ZKSCAN3: variants seen among roughly 807,000 people sequenced by gnomAD.
ZKSCAN3 encodes the protein zinc finger protein with KRAB and SCAN domains 3.
ZKSCAN3 carries 21 observed loss-of-function variants against 30.7 expected under a neutral mutation model. The ratio of observed to expected loss-of-function variants is 0.68; its 90% CI spans 0.49 to 0.99. ZKSCAN3 has a LOEUF of 0.99. Among genes scored for constraint, ZKSCAN3 ranks in the 50% least tolerant of loss-of-function variants. ZKSCAN3 has a pLI of 0.00. For missense variants in ZKSCAN3, 507 were observed against 647.1 expected, an observed-to-expected ratio of 0.78 and a Z score of 2.35; for synonymous variants, 201 against 246.7, an observed-to-expected ratio of 0.81 and a Z score of 1.73.
At chr6:28,363,051 C>T (rs1246763912) in intron 3 of ZKSCAN3, among the ~76,000 whole-genome samples, 1 of 152,122 alleles carries the variant, frequency 6.6e-6, no homozygotes, top group Non-Finnish European at 1.5e-5. Flanking sequence ...TGGTAGGGAC[C>T]AGGAATTTTG....
intron 3 of ZKSCAN3, 119 bp downstream of exon 3, chr6:28,361,590 T>A: frequency 8.7e-7 from 1 of 1,145,572 alleles, no homozygotes; most frequent in Non-Finnish European, 1.2e-6. Flanking sequence ...AACTCTCATT[T>A]AAGACTGAGA....
rs1236194355 is a variant in ZKSCAN3, at chr6:28,368,025, T to A, written c.*1740T>A. On this transcript the variant is annotated 3_prime_UTR_variant, in exon 6 of 6. Transcript: ENST00000252211. The stretch of plus-strand genomic sequence containing the variant: ...TACATTGGGTGTATCTCCTAATGCT[T>A]TCCCTCCCCCCACCCCACAACAGGC... 3.6e-5 allele frequency: 5 copies of A among 139,502 alleles called. No homozygotes were observed. The highest frequency in any genetic ancestry group is 7.1e-5 in the Admixed American group (1 of 14,092). The allele number at this position is 139,502 out of a possible 1,614,324, so 8.6% of individuals were successfully genotyped here.
At position 28,351,358 on chromosome 6, in the gene ZKSCAN3, G is replaced by A. The variant is rs1561928169; in HGVS notation, c.-63+1291G>A. ...GTGGACACCCTCCTCATTCCACTTG[G>A]GCTCCAGATTCACTCTGGGTTGGGC... On this transcript the variant is annotated intron_variant, in intron 1 of 5. Transcript: ENST00000252211. This position sits in a 1 kb window ranked among gnomAD's most constrained non-coding sequence, Gnocchi z 4.6. Among the ~76,000 whole-genome samples, 1 of 151,974 alleles carries A rather than the reference G, an allele frequency of 6.6e-6. No individual in the cohort carries two copies. Among genetic ancestry groups the A allele is most frequent in the African/African-American group, 2.4e-5 (1 of 41,372 alleles).
rs1766011455 is a variant in ZKSCAN3 at position 28,367,476 on chromosome 6, G to C, written c.*1191G>C. ...AAATTTCACTCTTTAATGTTTTCCTGTTGCTATTCTTTAAGGAAAAAACTT... is the reference window on the plus strand; with the variant it reads ...AAATTTCACTCTTTAATGTTTTCCTCTTGCTATTCTTTAAGGAAAAAACTT... On this transcript the variant is annotated 3_prime_UTR_variant, in exon 6 of 6. Coordinates refer to ENST00000252211, the MANE Select transcript of ZKSCAN3 (RefSeq NM_024493.4). 6.6e-6 allele frequency: 1 copy of C among 151,864 alleles called. No homozygotes were observed. The highest frequency in any genetic ancestry group is 6.6e-5 in the Admixed American group (1 of 15,230). The allele number at this position is 151,864 out of a possible 1,614,324, so 9.4% of individuals were successfully genotyped here.
In ZKSCAN3 at chr6:28,359,681, C is replaced by A. The variant is rs748292155; in HGVS notation, c.95C>A (p.Ala32Asp). 8.7e-6 allele frequency: 14 copies of A among 1,614,064 alleles called. No individual in the cohort carries two copies. In the South Asian group the frequency reaches 1.2e-4, roughly 14 times the overall value. ...LLVIKVEEEE[A>D]GFPSSPDLGS... ...GTCATAAAGGTGGAGGAAGAAGAAGCCGGTTTTCCCAGTAGCCCAGATCTG... is the reference window on the plus strand; with the variant it reads ...GTCATAAAGGTGGAGGAAGAAGAAGACGGTTTTCCCAGTAGCCCAGATCTG... Residue 32 changes from alanine to aspartate, a missense_variant, in exon 2 of 6, where the codon GCC (alanine) becomes GAC (aspartate). Coordinates refer to ENST00000252211, the MANE Select transcript of ZKSCAN3 (RefSeq NM_024493.4).
In ZKSCAN3 at chr6:28,366,020, A is replaced by G; in HGVS notation, c.1352A>G (p.Asp451Gly). Residue 451 changes from aspartate to glycine, a missense_variant, in exon 6 of 6, where the codon GAT becomes GGT. Coordinates refer to ENST00000252211, the MANE Select transcript of ZKSCAN3 (RefSeq NM_024493.4). ...AGACATCAGAGGATCCATACTGGGG[A>G]TAAAAATGTTCAGGAACCTGAGCAG... ...LLRHQRIHTG[D>G]KNVQEPEQGE... 1.9e-6 allele frequency: 3 copies of G among 1,613,092 alleles called. No homozygotes were observed. The highest frequency in any genetic ancestry group is 2.5e-6 in the Non-Finnish European group (3 of 1,179,642).
Position 28,363,749 on chromosome 6 carries a change from G to A in ZKSCAN3, c.691G>A (p.Asp231Asn), listed in dbSNP as rs749527890. 2 of 1,614,072 alleles carry A rather than the reference G, an allele frequency of 1.2e-6. No homozygotes were observed. The highest frequency in any genetic ancestry group is 1.1e-5 in the South Asian group (1 of 91,084). Residue 231 changes from aspartate (D) to asparagine (N), a missense_variant, in exon 5 of 6, where the codon GAT becomes AAT. By Grantham distance (23) the Asp-to-Asn change is conservative (BLOSUM62 1). Transcript: ENST00000252211. ...LTLTPEWTQQ[D>N]SSQGNLCRDE... is the part of the protein sequence containing the mutation. ...CCTCACCCCTGAATGGACACAGCAG[G>A]ATTCATCTCAGGGGAATCTCTGTAG...
In ZKSCAN3 at chr6:28,367,893, T is replaced by TTTA. The variant is rs1766031811; in HGVS notation, c.*1610_*1611insATT. ...CGCCTCCACGCCGGGCTATTTTTTT[T>TTTA]TTTTATTTTATACTTTAAGTTCTAG... is the stretch of plus-strand genomic sequence containing the variant. On this transcript the variant is annotated 3_prime_UTR_variant, in exon 6 of 6. Coordinates refer to ENST00000252211, the MANE Select transcript of ZKSCAN3 (RefSeq NM_024493.4). The TTTA allele has an allele frequency of 1.3e-5, 2 of 151,250 alleles. No homozygotes were observed. Among genetic ancestry groups the TTTA allele is most frequent in the Admixed American group, 6.6e-5 (1 of 15,156 alleles). 9.4% of individuals were successfully genotyped at this position (151,250 alleles called of 1,614,324 possible).
intron 1 of ZKSCAN3, chr6:28,356,016 T>A (rs1014296650): frequency 1.3e-5 from 2 of 152,206 alleles, no homozygotes; most frequent in African/African-American, 4.8e-5. Context: ...GATGCCGAGG[T>A]CCAAAGATAC....
At chr6:28,365,357 C>T in intron 5 of ZKSCAN3, 69 bp from the exon 6 acceptor site, 7 of 1,547,056 alleles carry the variant, frequency 4.5e-6, no homozygotes, top group South Asian at 1.3e-5. Flanking sequence ...ATTCTTGCCT[C>T]CCTGGTACTC....
In ZKSCAN3 at chr6:28,351,693, CTTTCCCTCTCCCTCCTTTCT is replaced by C. The variant is rs1765028376; in HGVS notation, c.-63+1629_-63+1648del. Among the ~76,000 whole-genome samples, 1 of 151,572 alleles carries C rather than the reference CTTTCCCTCTCCCTCCTTTCT, an allele frequency of 6.6e-6. No homozygotes were observed. Among genetic ancestry groups the C allele is most frequent in the African/African-American group, 2.4e-5 (1 of 41,276 alleles). On this transcript the variant is annotated intron_variant, in intron 1 of 5. Coordinates refer to ENST00000252211, the MANE Select transcript of ZKSCAN3 (RefSeq NM_024493.4). This position sits in a 1 kb window ranked among gnomAD's most constrained non-coding sequence, Gnocchi z 4.6. ...TCCTCCCTCTTTCCCTCTCTCCTTT[CTTTCCCTCTCCCTCCTTTCT>C]TTGTCTTCCTTTCCTTCCCTCCCTC...
Position 28,368,595 on chromosome 6 carries a change from G to A in ZKSCAN3, c.*2310G>A, listed in dbSNP as rs1391534581. 4 of 151,336 alleles carry A rather than the reference G, an allele frequency of 2.6e-5. No individual in the cohort carries two copies. Among genetic ancestry groups the A allele is most frequent in the Middle Eastern group, 1.4e-3 (2 of 1,418 alleles). The allele number at this position is 151,336 out of a possible 1,614,324, so 9.4% of individuals were successfully genotyped here. On this transcript the variant is annotated 3_prime_UTR_variant, in exon 6 of 6. Transcript: ENST00000252211. ...GGAGTTGTTTCTACAAAAGTATTTC[G>A]GAATGACTATTCTGCTGCAAACTTT...
At chr6:28,352,949 T>A (rs1321982588) in intron 1 of ZKSCAN3, among the ~76,000 whole-genome samples, 1 of 145,890 alleles carries the variant, frequency 6.9e-6, no homozygotes, top group Non-Finnish European at 1.5e-5. Flanking sequence ...CTTACATTTC[T>A]TTTCTTTTCT....
intron 1 of ZKSCAN3, among the ~76,000 whole-genome samples, chr6:28,357,600 G>A (rs116712268): frequency 6.6e-6 from 1 of 152,342 alleles, no homozygotes; most frequent in African/African-American, 2.4e-5. Flanking sequence ...TTCTGCATGC[G>A]AAATCTTAGT....
At chr6:28,360,049 C>T in intron 2 of ZKSCAN3, 61 bp downstream of exon 2, 1 of 1,613,686 alleles carries the variant, frequency 6.2e-7, no homozygotes, top group Non-Finnish European at 8.5e-7. Flanking sequence ...AATCCCAGAT[C>T]AGAGTGAGGG....
chr6:28,361,319 T>C lies in ZKSCAN3; in HGVS notation c.403-5T>C. ...AACATGAAAATAAGAACAAATGATT[T>C]CTAGGTTTCAGGTGTTGACCAGGGG... On this transcript the variant is annotated splice_region_variant and splice_polypyrimidine_tract_variant and intron_variant, in intron 2 of 5. Coordinates refer to ENST00000252211, the MANE Select transcript of ZKSCAN3 (RefSeq NM_024493.4). The C allele has an allele frequency of 3.7e-6, 6 of 1,611,060 alleles. No homozygotes were observed. The highest frequency in any genetic ancestry group is 5.1e-6 in the Non-Finnish European group (6 of 1,179,258).
Position 28,366,406 on chromosome 6 carries a change from T to TAG in ZKSCAN3, c.*121_*122insAG. ...ATTTACCACTACACATTATCAGGTGTTAGAAAATGTAGACTGGGTTAGACA... is the reference window on the plus strand; with the variant it reads ...ATTTACCACTACACATTATCAGGTGTAGTAGAAAATGTAGACTGGGTTAGACA... On this transcript the variant is annotated 3_prime_UTR_variant, in exon 6 of 6. Transcript: ENST00000252211. The TAG allele has an allele frequency of 1.8e-6, 2 of 1,136,334 alleles. No individual in the cohort carries two copies. The highest frequency in any genetic ancestry group is 2.4e-6 in the Non-Finnish European group (2 of 838,468). 70.4% of individuals were successfully genotyped at this position (1,136,334 alleles called of 1,614,324 possible).
chr6:28,356,777 G>A (rs1008777727), intron 1 of ZKSCAN3, among the ~76,000 whole-genome samples: 1 of 152,250 alleles, frequency 6.6e-6, no homozygotes. Flanking sequence ...CCACACTCGT[G>A]GAGGGCCTGT....
chr6:28,366,134 T>C lies in ZKSCAN3; in HGVS notation c.1466T>C (p.Phe489Ser). The change falls in exon 6 of 6, where the codon TTC (phenylalanine) becomes TCC (serine). Residue 489 changes from phenylalanine to serine, a missense_variant. Physicochemically the swap from Phe to Ser is radical, Grantham distance 155. Coordinates refer to ENST00000252211, the MANE Select transcript of ZKSCAN3 (RefSeq NM_024493.4). Reference sequence around the variant, plus strand: ...AAATGTAATGAGTGTGAAAGAAGTTTCACTCAGAATACAGGCCTCATTGAA... The same window carrying C: ...AAATGTAATGAGTGTGAAAGAAGTTCCACTCAGAATACAGGCCTCATTGAA... ...SYKCNECERS[F>S]TQNTGLIEHQ... 6.2e-7 allele frequency: 1 copy of C among 1,612,180 alleles called. No individual in the cohort carries two copies. Among genetic ancestry groups the C allele is most frequent in the Non-Finnish European group, 8.5e-7 (1 of 1,179,314 alleles).
Sources: allele counts gnomAD v4.1 joint callset (sites outside exome capture counted in the v4.1 genomes callset), GRCh38; gene constraint gnomAD v4.1.1; non-coding constraint Gnocchi (gnomAD v3.1); transcripts MANE v1.5; gene names NCBI Gene and HGNC (gene_info 2026-07-23, HGNC 2026-07-21).